SEPSECS: variants seen among roughly 807,000 people sequenced by gnomAD.
SEPSECS encodes the protein Sep (O-phosphoserine) tRNA:Sec (selenocysteine) tRNA synthase.
In SEPSECS, 42 loss-of-function variants were observed where a neutral mutation model predicts 52.1. The observed-to-expected ratio is 0.81, with a 90% CI of 0.63 to 1.04. SEPSECS has a LOEUF of 1.04. Among genes scored for constraint, SEPSECS ranks in the 50% least tolerant of loss-of-function variants. The pLI, the probability that SEPSECS is intolerant of heterozygous loss-of-function variation, is 0.00. For synonymous variants in SEPSECS, 216 were observed against 211.4 expected (o/e 1.02, Z -0.19); for missense variants, 590 against 610.6 (o/e 0.97, Z 0.36).
chr4:25,143,688 G>A (rs1379919261), intron 8 of SEPSECS, among the ~76,000 whole-genome samples: 3 of 152,126 alleles, frequency 2.0e-5, no homozygotes, highest in Non-Finnish European at 4.4e-5. Context: ...AAGGAAGACT[G>A]GGGTAAAACA....
chr4:25,141,987 C>T (rs745902823), intron 8 of SEPSECS, among the ~76,000 whole-genome samples: 3 of 152,262 alleles, frequency 2.0e-5, no homozygotes, highest in African/African-American at 4.8e-5. Context: ...TCAAATGTCA[C>T]GGTATTGGGC....
intron 8 of SEPSECS, among the ~76,000 whole-genome samples, chr4:25,138,802 T>C (rs760611551): frequency 4.6e-5 from 7 of 152,136 alleles, no homozygotes; most frequent in Non-Finnish European, 1.0e-4. Flanking sequence ...TGCACCAAAA[T>C]TCATCAGGAA....
At chr4:25,125,168 G>C (rs1441084025) in intron 10 of SEPSECS, 1 of 152,318 alleles carries the variant, frequency 6.6e-6, no homozygotes, top group African/African-American at 2.4e-5. Flanking sequence ...TTCTTTTCAA[G>C]TCATTTTTCT....
At chr4:25,132,501 AC>A (rs1288922736) in intron 8 of SEPSECS, among the ~76,000 whole-genome samples, 1 of 152,212 alleles carries the variant, frequency 6.6e-6, no homozygotes, top group Non-Finnish European at 1.5e-5. Context: ...CAATAAAAAA[AC>A]AATATTTATG....
intron 6 of SEPSECS, 121 bp downstream of exon 6, chr4:25,151,839 C>T (rs577173457): frequency 1.5e-6 from 1 of 688,482 alleles, no homozygotes; most frequent in African/African-American, 1.8e-5. Flanking sequence ...CCTAACACAA[C>T]CTGAAGCAGA....
Position 25,156,952 on chromosome 4 carries a change from A to C in SEPSECS, c.292T>G (p.Ser98Ala), listed in dbSNP as rs891557080. 29 of 1,611,808 alleles carry C rather than the reference A, an allele frequency of 1.8e-5. No individual in the cohort carries two copies. Among genetic ancestry groups the C allele is most frequent in the Non-Finnish European group, 2.5e-5 (29 of 1,178,044 alleles). The stretch of plus-strand genomic sequence containing the variant: ...GGTTGCACAGCAGAAATATCACCGG[A>C]TCGTCCAATGCCATGAATGAACCTA... ...HYRFIHGIGR[S>A]GDISAVQPKA... The change falls in exon 3 of 11, where the codon TCC becomes GCC. Residue 98 changes from serine (S) to alanine (A), a missense_variant. Transcript: ENST00000382103.
intron 8 of SEPSECS, among the ~76,000 whole-genome samples, chr4:25,142,467 T>C (rs1029747418): frequency 3.3e-5 from 5 of 152,232 alleles, no homozygotes; most frequent in Non-Finnish European, 7.3e-5. Context: ...CCATAGGCAA[T>C]GTGTGCTCCT....
In SEPSECS at chr4:25,155,277, T is replaced by C. The variant is rs1205829400; in HGVS notation, c.548-126A>G. On this transcript the variant is annotated intron_variant, in intron 4 of 10. Coordinates refer to ENST00000382103, the MANE Select transcript of SEPSECS (RefSeq NM_016955.4). ...ATTTATTTTGGTAGATTAACCTTCC[T>C]CTGGTAATAAATACACGGCTCAGTA... 19 of 1,050,720 alleles carry C rather than the reference T, an allele frequency of 1.8e-5. No homozygotes were observed. In the South Asian group the frequency reaches 2.2e-4, roughly 12 times the overall value. The allele number at this position is 1,050,720 out of a possible 1,614,324, so 65.1% of individuals were successfully genotyped here.
intron 8 of SEPSECS, among the ~76,000 whole-genome samples, chr4:25,129,299 C>CA (rs981128318): frequency 1.3e-4 from 19 of 149,826 alleles, no homozygotes; most frequent in Middle Eastern, 3.5e-3. Context: ...TTTCCAGAAA[C>CA]AAAAAAAAAG....
At chr4:25,142,514 A>G (rs1674831354) in intron 8 of SEPSECS, among the ~76,000 whole-genome samples, 1 of 152,246 alleles carries the variant, frequency 6.6e-6, no homozygotes, top group Admixed American at 6.5e-5. Context: ...ATTGACTGCT[A>G]TATCTATATA....
intron 8 of SEPSECS, among the ~76,000 whole-genome samples, chr4:25,139,084 T>G (rs1268358628): frequency 6.6e-6 from 1 of 152,204 alleles, no homozygotes; most frequent in East Asian, 1.9e-4. Flanking sequence ...CTTCCAGATC[T>G]GGGGTAGGTG....
At chr4:25,156,806 T>TAC (rs747949389) in intron 3 of SEPSECS, 50 bp downstream of exon 3, 2 of 855,406 alleles carry the variant, frequency 2.3e-6, no homozygotes, top group African/African-American at 3.4e-5. Context: ...GTCAGTGGTG[T>TAC]GTGTGTGTGT....
intron 6 of SEPSECS, among the ~76,000 whole-genome samples, chr4:25,147,774 A>T (rs1712049537): frequency 6.6e-6 from 1 of 152,244 alleles, no homozygotes; most frequent in African/African-American, 2.4e-5. Flanking sequence ...AGTTAAAAAC[A>T]TAATGTTAAA....
chr4:25,127,328 T>C lies in SEPSECS; in HGVS notation c.1056A>G (p.Ile352Met). The C allele has an allele frequency of 1.2e-6, 2 of 1,613,186 alleles. No homozygotes were observed. The highest frequency in any genetic ancestry group is 1.7e-6 in the Non-Finnish European group (2 of 1,179,400). Residue 352 changes from isoleucine to methionine, a missense_variant, in exon 9 of 11, where the codon ATA (isoleucine) becomes ATG (methionine). Transcript: ENST00000382103. ...KEMFSYLSNQ[I>M]KKLSEAYNER... ...CATTGTAGGCTTCTGACAACTTCTT[T>C]ATTTGGTTGGACAAATATGAAAACA...
chr4:25,125,640 T>A, intron 10 of SEPSECS, 54 bp downstream of exon 10: 2 of 1,118,144 alleles, frequency 1.8e-6, no homozygotes, highest in Admixed American at 1.8e-5. Context: ...GGTATTTTAC[T>A]GGAGTTAAGT....
chr4:25,143,501 T>G (rs1711735347), intron 8 of SEPSECS, among the ~76,000 whole-genome samples: 1 of 152,244 alleles, frequency 6.6e-6, no homozygotes, highest in Admixed American at 6.5e-5. Context: ...ATTATCTTGT[T>G]GCATATTTCG....
intron 3 of SEPSECS, 50 bp from the exon 4 acceptor site, chr4:25,156,245 C>T (rs1319012195): frequency 6.6e-7 from 1 of 1,507,342 alleles, no homozygotes; most frequent in Non-Finnish European, 9.2e-7. Flanking sequence ...AAGCACCCAG[C>T]ATCCTTCTTG....
chr4:25,131,995 T>C (rs543925557), intron 8 of SEPSECS, among the ~76,000 whole-genome samples: 28 of 152,310 alleles, frequency 1.8e-4, no homozygotes, highest in Non-Finnish European at 3.1e-4. Flanking sequence ...ACCTCTTTTT[T>C]AAAAGGGGTT....
rs980552275 is a variant in SEPSECS at position 25,155,937 on chromosome 4, G to A, written c.547+100C>T. 17 of 1,136,078 alleles carry A rather than the reference G, an allele frequency of 1.5e-5. No homozygotes were observed. The East Asian group carries it at 1.8e-4, about 12-fold the overall frequency. The allele number at this position is 1,136,078 out of a possible 1,614,324, so 70.4% of individuals were successfully genotyped here. ...ATTTTTTCTTTTAAAAAAGCAATAG[G>A]GAAGAGAGTTAGTTTATTTTTCATT... On this transcript the variant is annotated intron_variant, in intron 4 of 10. Transcript: ENST00000382103.
Sources: allele counts gnomAD v4.1 joint callset (sites outside exome capture counted in the v4.1 genomes callset), GRCh38; gene constraint gnomAD v4.1.1; transcripts MANE v1.5; gene names NCBI Gene and HGNC (gene_info 2026-07-23, HGNC 2026-07-21).